The following EIF3G variants were observed in gnomAD, a reference collection of about 807,000 sequenced individuals.
The protein encoded by EIF3G is eukaryotic translation initiation factor 3 subunit G.
EIF3G carries 10 observed loss-of-function variants against 41.7 expected under a neutral mutation model. The observed-to-expected ratio is 0.24, with a 90% confidence interval of 0.15 to 0.41. The LOEUF (loss-of-function observed/expected upper bound fraction) is 0.41. Among genes scored for constraint, EIF3G ranks in the 10% least tolerant of loss-of-function variants. EIF3G has a pLI of 1.00. For synonymous variants in EIF3G, 204 were observed against 172.5 expected, an observed-to-expected ratio of 1.18 and a Z score of -1.43; for missense variants, 297 against 444.0, an observed-to-expected ratio of 0.67 and a Z score of 2.98.
Position 10,115,137 on chromosome 19 carries a change from A to G in EIF3G, c.948-8T>C, listed in dbSNP as rs2089217839. ...GCTTAGTTGGTGGACGGCCTGGGGT[A>G]GGGGAGGGTGGCAGGTATAAGACTT... On this transcript the variant is annotated splice_polypyrimidine_tract_variant and splice_region_variant and intron_variant, in intron 10 of 10. Transcript: ENST00000253108. The G allele has an allele frequency of 1.2e-6, 2 of 1,613,412 alleles. No homozygotes were observed. Among genetic ancestry groups the G allele is most frequent in the Non-Finnish European group, 1.7e-6 (2 of 1,179,810 alleles).
At chr19:10,119,804 C>A in intron 1 of EIF3G, 36 bp downstream of exon 1, 1 of 1,614,250 alleles carries the variant, frequency 6.2e-7, no homozygotes, top group Non-Finnish European at 8.5e-7. Flanking sequence ...GCACCCCAAC[C>A]GCTTCCCGTG....
At chr19:10,117,411 G>A (rs1199224666) in intron 5 of EIF3G, 1 of 547,624 alleles carries the variant, frequency 1.8e-6, no homozygotes. Context: ...TCCGGGTCCA[G>A]GTGACAGCTA....
At chr19:10,115,308 C>T (rs1332096323) in intron 10 of EIF3G, 171 bp downstream of exon 10, 1 of 1,098,112 alleles carries the variant, frequency 9.1e-7, no homozygotes, top group African/African-American at 1.6e-5. Context: ...ACCCCAGGCA[C>T]AAGAGCTGCC....
rs148192612 is a variant in EIF3G at position 10,116,975 on chromosome 19, C to T, written c.420G>A (p.Gln140=). ...GTTTGTTCATAGGGTCCTCCTCCTCCTGGCAGTTCAGGTCCTGGCAGGGGC... is the reference window on the plus strand; with the variant it reads ...GTTTGTTCATAGGGTCCTCCTCCTCTTGGCAGTTCAGGTCCTGGCAGGGGC... The part of the protein sequence containing the change: ...FITSKEDLNC[Q]EEEDPMNKLK... Residue 140 remains glutamine (Q), a synonymous_variant, in exon 7 of 11, where the codon CAG becomes CAA. Coordinates refer to ENST00000253108, the MANE Select transcript of EIF3G (RefSeq NM_003755.5). The surrounding 1 kb of genome is among the most constrained non-coding windows in gnomAD (Gnocchi z 4.1). The T allele has an allele frequency of 1.5e-3, 2,401 of 1,611,126 alleles. 4 individuals carry two copies. Among genetic ancestry groups the T allele is most frequent in the Non-Finnish European group, 1.8e-3 (2,123 of 1,178,056 alleles).
Position 10,119,080 on chromosome 19 carries a change from T to C in EIF3G, c.151+8A>G. The C allele has an allele frequency of 1.1e-6, 1 of 952,190 alleles. No homozygotes were observed. The highest frequency in any genetic ancestry group is 1.5e-6 in the Non-Finnish European group (1 of 659,942). 59.0% of individuals were successfully genotyped at this position (952,190 alleles called of 1,614,324 possible). A position where few individuals can be genotyped will look rare whatever the true frequency, so the allele number is the denominator to read the frequency against. On this transcript the variant is annotated splice_region_variant and intron_variant, in intron 3 of 10. Coordinates refer to ENST00000253108, the MANE Select transcript of EIF3G (RefSeq NM_003755.5). ...GTCCTCACTCACCTCCCGGCAGTCCTCACTCACCTCCCGGCAGTAGCTCTG... is the reference window on the plus strand; with the variant it reads ...GTCCTCACTCACCTCCCGGCAGTCCCCACTCACCTCCCGGCAGTAGCTCTG...
rs890519360 is a variant in EIF3G, at chr19:10,115,041, C to T, written c.*73G>A. 1.1e-5 allele frequency: 18 copies of T among 1,603,186 alleles called. No homozygotes were observed. Among genetic ancestry groups the T allele is most frequent in the Non-Finnish European group, 1.5e-5 (18 of 1,173,492 alleles). On this transcript the variant is annotated 3_prime_UTR_variant, in exon 11 of 11. Transcript: ENST00000253108. ...GAGAGAGTGGAGCTGCTTTATTGCC[C>T]TTGGAGCCCGCGCTCTCGGAGGCTG...
Position 10,116,276 on chromosome 19 carries a change from A to T in EIF3G, c.596-202T>A, listed in dbSNP as rs2089247843. 2 of 543,934 alleles carry T rather than the reference A, an allele frequency of 3.7e-6. No homozygotes were observed. Among genetic ancestry groups the T allele is most frequent in the South Asian group, 2.2e-5 (1 of 44,950 alleles). 33.7% of individuals were successfully genotyped at this position (543,934 alleles called of 1,614,324 possible). On this transcript the variant is annotated intron_variant, in intron 7 of 10. Coordinates refer to ENST00000253108, the MANE Select transcript of EIF3G (RefSeq NM_003755.5). This position sits in a 1 kb window ranked among gnomAD's most constrained non-coding sequence, Gnocchi z 4.1. ...AGCTCCCAGCCAGCGACACTGGTGG[A>T]GGAGGAGGAGGAGGAGCCCCGACCC...
In EIF3G at chr19:10,118,655, A is replaced by G. The variant is rs2089279373; in HGVS notation, c.300+13T>C. The G allele has an allele frequency of 3.1e-6, 5 of 1,613,886 alleles. No homozygotes were observed. Among genetic ancestry groups the G allele is most frequent in the Non-Finnish European group, 4.2e-6 (5 of 1,179,912 alleles). On this transcript the variant is annotated intron_variant, in intron 5 of 10. Transcript: ENST00000253108. The stretch of plus-strand genomic sequence containing the variant: ...AATTCCTCTAGGTTAGCCCTGGGGA[A>G]GAAGAGCCTCACCTTCCTCCTTGCG...
chr19:10,117,508 G>C (rs932681290), intron 5 of EIF3G: 11 of 288,254 alleles, frequency 3.8e-5, no homozygotes, highest in Non-Finnish European at 5.8e-5. Flanking sequence ...CTAGACCTCC[G>C]GGCCCTTGAG....
intron 8 of EIF3G, 67 bp downstream of exon 8, chr19:10,115,900 C>T: frequency 1.2e-6 from 2 of 1,605,084 alleles, no homozygotes; most frequent in Admixed American, 1.7e-5. Context: ...CGTGTGCACG[C>T]TTCGGGGATA....
chr19:10,118,892 T>C lies in EIF3G; in HGVS notation c.216A>G (p.Ile72Met). ...CCTTGAACTTCTTGCCATCCTCATC[T>C]ATCTTGTACTCTGTCACTGTCTTTA... ...GNIKTVTEYK[I>M]DEDGKKFKIV... is the part of the protein sequence containing the mutation. Residue 72 changes from isoleucine (I) to methionine (M), a missense_variant, in exon 4 of 11, where the codon ATA becomes ATG. By Grantham distance (10) the Ile-to-Met change is conservative. Around this residue, in one of 4 missense-constraint regions of EIF3G, gnomAD observed 147 missense variants for 162.4 expected, o/e 0.91. Coordinates refer to ENST00000253108, the MANE Select transcript of EIF3G (RefSeq NM_003755.5). 1.2e-6 allele frequency: 2 copies of C among 1,613,742 alleles called. No individual in the cohort carries two copies. Among genetic ancestry groups the C allele is most frequent in the Non-Finnish European group, 1.7e-6 (2 of 1,179,914 alleles).
At chr19:10,118,639 AG>A (rs1341157817) in intron 5 of EIF3G, 28 bp downstream of exon 5, 15 of 1,612,658 alleles carry the variant, frequency 9.3e-6, no homozygotes, top group South Asian at 3.3e-5. Context: ...CAATTCCTCT[AG>A]GTTAGCCCTG....
intron 5 of EIF3G, among the ~76,000 whole-genome samples, chr19:10,117,777 T>C (rs191322117): frequency 9.8e-5 from 15 of 152,360 alleles, no homozygotes; most frequent in Non-Finnish European, 1.5e-4. Context: ...TAACCGTGGC[T>C]GGGCGCAGTG....
chr19:10,119,788 C>T (rs536021443), intron 1 of EIF3G, 52 bp downstream of exon 1: 19 of 1,614,210 alleles, frequency 1.2e-5, no homozygotes, highest in African/African-American at 2.7e-5. Flanking sequence ...CATAATACTT[C>T]CCAGAGCACC....
rs745664210 is a variant in EIF3G, at chr19:10,115,591, G to A, written c.841-6C>T. On this transcript the variant is annotated splice_polypyrimidine_tract_variant and splice_region_variant and intron_variant, in intron 9 of 10. Transcript: ENST00000253108. Reference sequence around the variant, plus strand: ...AAGCTGATGAAGGCAAAGCCCTGTGGAGGGGCGGGATGGGGTCGGGCACGA... The same window carrying A: ...AAGCTGATGAAGGCAAAGCCCTGTGAAGGGGCGGGATGGGGTCGGGCACGA... 9 of 1,612,660 alleles carry A rather than the reference G, an allele frequency of 5.6e-6. No individual in the cohort carries two copies. The East Asian group carries it at 1.8e-4, about 32-fold the overall frequency.
rs537564081 is a variant in EIF3G, at chr19:10,115,560, C to T, written c.866G>A (p.Arg289His). The T allele has an allele frequency of 3.1e-6, 5 of 1,600,602 alleles. No individual in the cohort carries two copies. Among genetic ancestry groups the T allele is most frequent in the South Asian group, 1.1e-5 (1 of 90,698 alleles). Residue 289 changes from arginine to histidine, a missense_variant, in exon 10 of 11, where the codon CGC (arginine) becomes CAC (histidine). Around this residue, in one of 4 missense-constraint regions of EIF3G, gnomAD observed 91 missense variants for 170.5 expected, o/e 0.53. Coordinates refer to ENST00000253108, the MANE Select transcript of EIF3G (RefSeq NM_003755.5). ...SKGFAFISFH[R>H]REDAARAIAG... ...AATGGCACGCGCAGCATCCTCGCGG[C>T]GGTGGAAGCTGATGAAGGCAAAGCC...
Position 10,118,679 on chromosome 19 carries a change from C to T in EIF3G, c.289G>A (p.Ala97Thr), listed in dbSNP as rs1187915764. 1.9e-6 allele frequency: 3 copies of T among 1,614,102 alleles called. No individual in the cohort carries two copies. The highest frequency in any genetic ancestry group is 1.7e-4 in the Middle Eastern group (1 of 6,060). The change falls in exon 5 of 11, where the codon GCA (alanine) becomes ACA (threonine). Residue 97 changes from alanine (A) to threonine (T), a missense_variant. Around this residue, in one of 4 missense-constraint regions of EIF3G, gnomAD observed 147 missense variants for 162.4 expected, o/e 0.91. Coordinates refer to ENST00000253108, the MANE Select transcript of EIF3G (RefSeq NM_003755.5). ...AAGAAGAGCCTCACCTTCCTCCTTG[C>T]GACAGCCTTTGAAGCCTTCCGGGTC... The part of the protein sequence containing the change: ...IETRKASKAV[A>T]RRKNWKKFGN...
At position 10,119,640 on chromosome 19, in the gene EIF3G, C is replaced by A. The variant is rs2089289430; in HGVS notation, c.67+14G>T. ...GCCTGGCCGCGAATACCCCGGGCGA[C>A]CGTGTACACTTACCGTCCTCCCCCT... On this transcript the variant is annotated intron_variant, in intron 2 of 10. Coordinates refer to ENST00000253108, the MANE Select transcript of EIF3G (RefSeq NM_003755.5). The A allele has an allele frequency of 1.9e-6, 3 of 1,563,146 alleles. No individual in the cohort carries two copies. The highest frequency in any genetic ancestry group is 2.6e-6 in the Non-Finnish European group (3 of 1,153,230).
rs2089248014 is a variant in EIF3G, at chr19:10,116,287, G to A, written c.596-213C>T. The A allele has an allele frequency of 3.3e-6, 2 of 599,526 alleles. No homozygotes were observed. Among genetic ancestry groups the A allele is most frequent in the Non-Finnish European group, 5.9e-6 (2 of 338,046 alleles). The allele number at this position is 599,526 out of a possible 1,614,324, so 37.1% of individuals were successfully genotyped here. A position where few individuals can be genotyped will look rare whatever the true frequency, so the allele number is the denominator to read the frequency against. On this transcript the variant is annotated intron_variant, in intron 7 of 10. Coordinates refer to ENST00000253108, the MANE Select transcript of EIF3G (RefSeq NM_003755.5). The surrounding 1 kb of genome is among the most constrained non-coding windows in gnomAD (Gnocchi z 4.1). Reference sequence around the variant, plus strand: ...AGCGACACTGGTGGAGGAGGAGGAGGAGGAGCCCCGACCCCACCCCAGAGA... The same window carrying A: ...AGCGACACTGGTGGAGGAGGAGGAGAAGGAGCCCCGACCCCACCCCAGAGA...
Sources: gnomAD v4.1 joint callset for allele counts (sites outside exome capture counted in the v4.1 genomes callset) on GRCh38, gnomAD v4.1.1 for gene constraint, gnomAD v4.1.1 regional missense constraint, Gnocchi (gnomAD v3.1) non-coding constraint, MANE v1.5 for transcripts, NCBI Gene and HGNC (gene_info 2026-07-23, HGNC 2026-07-21) for gene names.